TMEM39A: variants seen among roughly 807,000 people sequenced by gnomAD.
TMEM39A encodes the protein transmembrane protein 39A, also known as suppressor of SQST-1 aggregates in rpl-43 mutants.
A neutral mutation model predicts 51.9 loss-of-function variants in TMEM39A; 19 were observed. The observed-to-expected ratio is 0.37, with a 90% CI of 0.26 to 0.54. The LOEUF is 0.54. Among genes scored for constraint, TMEM39A ranks in the 20% least tolerant of loss-of-function variants. The pLI, the probability that TMEM39A is intolerant of heterozygous loss-of-function variation, is 0.88. For missense variants in TMEM39A, 433 were observed against 590.5 expected, an observed-to-expected ratio of 0.73 and a Z score of 2.76; for synonymous variants, 197 against 220.2, an observed-to-expected ratio of 0.89 and a Z score of 0.93.
Position 119,431,906 on chromosome 3 carries a change from A to G in TMEM39A, c.*75T>C. 2 of 1,009,322 alleles carry G rather than the reference A, an allele frequency of 2.0e-6. No homozygotes were observed. The highest frequency in any genetic ancestry group is 2.8e-6 in the Non-Finnish European group (2 of 711,758). 62.5% of individuals were successfully genotyped at this position (1,009,322 alleles called of 1,614,324 possible). A position where few individuals can be genotyped will look rare whatever the true frequency, so the allele number is the denominator to read the frequency against. On this transcript the variant is annotated 3_prime_UTR_variant, in exon 9 of 9. Coordinates refer to ENST00000319172, the MANE Select transcript of TMEM39A (RefSeq NM_018266.3). ...AAAATATAAAATATCTTAAATATTT[A>G]TAAAAATCACAAGAAAAAAATAGAA...
At position 119,452,495 on chromosome 3, in the gene TMEM39A, G is replaced by T; in HGVS notation, c.372C>A (p.Phe124Leu). Residue 124 changes from phenylalanine to leucine, a missense_variant, in exon 4 of 9, where the codon TTC (phenylalanine) becomes TTA (leucine). Physicochemically the swap from Phe to Leu is conservative, Grantham distance 22. Around this residue, in one of 3 missense-constraint regions of TMEM39A, gnomAD observed 170 missense variants for 239.8 expected, o/e 0.71. Coordinates refer to ENST00000319172, the MANE Select transcript of TMEM39A (RefSeq NM_018266.3). ...FHLIDYHLAA[F>L]ITVMLARRLV... ...GCCTCCTCGCAAGCATCACTGTGAT[G>T]AATGCTGCCAGATGATAATCAATGA... 1 of 1,613,722 alleles carries T rather than the reference G, an allele frequency of 6.2e-7. No homozygotes were observed. The highest frequency in any genetic ancestry group is 8.5e-7 in the Non-Finnish European group (1 of 1,179,770).
At chr3:119,435,715 C>T (rs12492609) in intron 7 of TMEM39A, 192,624 of 998,694 alleles carry the variant, frequency 0.19, 19,695 homozygotes, top group Non-Finnish European at 0.21. Flanking sequence ...TAAAGCTTTC[C>T]CAGTTCAGAA....
At chr3:119,451,782 A>T (rs907661116) in intron 4 of TMEM39A, among the ~76,000 whole-genome samples, 1 of 145,474 alleles carries the variant, frequency 6.9e-6, no homozygotes, top group African/African-American at 2.6e-5. Context: ...GCGAGCCGAG[A>T]TCATGCCACT....
chr3:119,435,676 T>TA (rs11410721), intron 7 of TMEM39A: 90,956 of 890,714 alleles, frequency 0.1, 484 homozygotes, highest in South Asian at 0.17. Context: ...GATATGTTAT[T>TA]AAAAAAAAAA....
rs1172842001 is a variant in TMEM39A at position 119,449,475 on chromosome 3, G to A, written c.421-2303C>T. Among the ~76,000 whole-genome samples the A allele has an allele frequency of 7.2e-5, 11 of 151,814 alleles. No individual in the cohort carries two copies. In the East Asian group the frequency reaches 1.6e-3, roughly 21 times the overall value. ...TGTAATCCCAGCTACTTGGGAGGCCGAGGCAGGAGAATCGCTTGAACCAAG... is the reference window on the plus strand; with the variant it reads ...TGTAATCCCAGCTACTTGGGAGGCCAAGGCAGGAGAATCGCTTGAACCAAG... On this transcript the variant is annotated intron_variant, in intron 4 of 8. Coordinates refer to ENST00000319172, the MANE Select transcript of TMEM39A (RefSeq NM_018266.3).
At chr3:119,457,992 G>A (rs757314965) in intron 3 of TMEM39A, 26 bp downstream of exon 3, 1 of 1,549,140 alleles carries the variant, frequency 6.5e-7, no homozygotes, top group Non-Finnish European at 8.9e-7. Flanking sequence ...GTAACATGAA[G>A]AACTTAAAGT....
chr3:119,452,458 G>C lies in TMEM39A; in HGVS notation c.409C>G (p.Leu137Val). The change falls in exon 4 of 9, where the codon CTC (leucine) becomes GTC (valine). Residue 137 changes from leucine to valine, a missense_variant. Leu to Val is a conservative substitution (Grantham distance 32). Coordinates refer to ENST00000319172, the MANE Select transcript of TMEM39A (RefSeq NM_018266.3). ...VMLARRLVWA[L>V]ISEATKAGAA... is the part of the protein sequence containing the mutation. Reference sequence around the variant, plus strand: ...CAATGAACTGTTACCTCTGAGATGAGAGCCCATACAAGCCTCCTCGCAAGC... The same window carrying C: ...CAATGAACTGTTACCTCTGAGATGACAGCCCATACAAGCCTCCTCGCAAGC... 3 of 1,613,370 alleles carry C rather than the reference G, an allele frequency of 1.9e-6. No individual in the cohort carries two copies. Among genetic ancestry groups the C allele is most frequent in the Non-Finnish European group, 2.5e-6 (3 of 1,179,486 alleles).
At chr3:119,457,249 C>A (rs7613562) in intron 3 of TMEM39A, among the ~76,000 whole-genome samples, 68,715 of 151,950 alleles carry the variant, frequency 0.45, 16,212 homozygotes, top group East Asian at 0.63. Context: ...GGATTACAGG[C>A]GTGAGCCACC....
At chr3:119,461,895 T>A in intron 2 of TMEM39A, 67 bp downstream of exon 2, 2 of 1,217,122 alleles carry the variant, frequency 1.6e-6, no homozygotes, top group Non-Finnish European at 2.3e-6. Context: ...AATGACATGA[T>A]GACTTTTATG....
At chr3:119,438,514 A>T (rs189571672) in intron 5 of TMEM39A, among the ~76,000 whole-genome samples, 1 of 152,160 alleles carries the variant, frequency 6.6e-6, no homozygotes, top group Non-Finnish European at 1.5e-5. Context: ...GTATGTGTGC[A>T]TGTGTGTATA....
At chr3:119,456,156 T>G (rs2081260619) in intron 3 of TMEM39A, among the ~76,000 whole-genome samples, 1 of 152,232 alleles carries the variant, frequency 6.6e-6, no homozygotes, top group Non-Finnish European at 1.5e-5. Flanking sequence ...ATAGTGAGTA[T>G]TTATTTATAG....
intron 5 of TMEM39A, among the ~76,000 whole-genome samples, chr3:119,443,549 T>C (rs1371109438): frequency 1.3e-5 from 2 of 152,210 alleles, no homozygotes; most frequent in Non-Finnish European, 2.9e-5. Context: ...CTGCATACTT[T>C]AGCAATCAAG....
In TMEM39A at chr3:119,442,302, C is replaced by A. The variant is rs149586979; in HGVS notation, c.576-4199G>T. ...AGGTTGCAGTGAGCTGAGATCACACCACTGCATTCCAGCCTGGGCAACAGA... is the reference window on the plus strand; with the variant it reads ...AGGTTGCAGTGAGCTGAGATCACACAACTGCATTCCAGCCTGGGCAACAGA... On this transcript the variant is annotated intron_variant, in intron 5 of 8. Coordinates refer to ENST00000319172, the MANE Select transcript of TMEM39A (RefSeq NM_018266.3). 6.2e-3 allele frequency among the ~76,000 whole-genome samples: 936 copies of A among 149,970 alleles called. 9 individuals carry two copies. The highest frequency in any genetic ancestry group is 0.021 in the African/African-American group (860 of 40,634).
intron 7 of TMEM39A, chr3:119,435,983 G>T (rs1180141709): frequency 1.6e-6 from 2 of 1,255,204 alleles, no homozygotes; most frequent in South Asian, 2.5e-5. Context: ...CTCTCAGGGG[G>T]AGAGGGAAAG....
intron 3 of TMEM39A, among the ~76,000 whole-genome samples, chr3:119,455,972 A>C (rs898733825): frequency 2.0e-5 from 3 of 152,200 alleles, no homozygotes; most frequent in African/African-American, 7.2e-5. Context: ...TATAGGTCTT[A>C]CATTCATTTA....
At chr3:119,455,931 A>G (rs902543551) in intron 3 of TMEM39A, among the ~76,000 whole-genome samples, 8 of 152,204 alleles carry the variant, frequency 5.3e-5, no homozygotes, top group African/African-American at 9.6e-5. Flanking sequence ...TTGGGCACTC[A>G]CTATGCCGCT....
intron 4 of TMEM39A, among the ~76,000 whole-genome samples, chr3:119,452,073 T>C (rs2081207742): frequency 6.6e-6 from 1 of 152,192 alleles, no homozygotes; most frequent in Non-Finnish European, 1.5e-5. Context: ...ATATAAACAG[T>C]ATCAAGTGAA....
At chr3:119,439,309 A>C (rs2081017436) in intron 5 of TMEM39A, among the ~76,000 whole-genome samples, 1 of 152,214 alleles carries the variant, frequency 6.6e-6, no homozygotes, top group Admixed American at 6.5e-5. Flanking sequence ...GGCCAGGGAC[A>C]GTCCCTCATG....
At chr3:119,448,876 G>A (rs1297640943) in intron 4 of TMEM39A, among the ~76,000 whole-genome samples, 1 of 152,222 alleles carries the variant, frequency 6.6e-6, no homozygotes, top group Non-Finnish European at 1.5e-5. Flanking sequence ...TCACTGTGGT[G>A]TATGTCACAG....
Sources: gnomAD v4.1 joint callset for allele counts (sites outside exome capture counted in the v4.1 genomes callset) on GRCh38, gnomAD v4.1.1 for gene constraint, gnomAD v4.1.1 regional missense constraint, MANE v1.5 for transcripts, NCBI Gene and HGNC (gene_info 2026-07-23, HGNC 2026-07-21) for gene names.